Variants in RNF13 observed in about 807,000 individuals in gnomAD.
The protein encoded by RNF13 is E3 ubiquitin-protein ligase RNF13.
In RNF13, 19 loss-of-function variants were observed where a neutral mutation model predicts 37.7. That is an observed-to-expected ratio of 0.50 (90% confidence interval 0.35 to 0.74). RNF13 has a LOEUF of 0.74. Ranked by LOEUF, RNF13 falls within the 30% of genes least tolerant of loss-of-function variation. RNF13 has a pLI of 0.01. For missense variants in RNF13, 375 were observed against 453.0 expected (o/e 0.83, Z 1.56); for synonymous variants, 144 against 157.8 (o/e 0.91, Z 0.65).
intron 4 of RNF13, among the ~76,000 whole-genome samples, chr3:149,882,505 A>AGTC: frequency 6.6e-6 from 1 of 152,272 alleles, no homozygotes; most frequent in South Asian, 2.1e-4. Flanking sequence ...AAATGCTCTA[A>AGTC]ATGTTATTTT....
chr3:149,833,040 C>T (rs1721220562), intron 1 of RNF13, among the ~76,000 whole-genome samples: 1 of 151,786 alleles, frequency 6.6e-6, no homozygotes, highest in Non-Finnish European at 1.5e-5. Flanking sequence ...CCAAAATTAC[C>T]CTGGTACCAA....
intron 1 of RNF13, among the ~76,000 whole-genome samples, chr3:149,829,070 G>A (rs546825417): frequency 6.6e-6 from 1 of 152,170 alleles, no homozygotes; most frequent in East Asian, 1.9e-4. Flanking sequence ...TGGTATGAAG[G>A]CCCTGAGATT....
intron 1 of RNF13, among the ~76,000 whole-genome samples, chr3:149,843,342 A>G (rs2108368360): frequency 6.6e-6 from 1 of 152,310 alleles, no homozygotes; most frequent in Non-Finnish European, 1.5e-5. Flanking sequence ...GGACAACTCT[A>G]TACATTGCTA....
intron 7 of RNF13, among the ~76,000 whole-genome samples, chr3:149,919,197 CTT>C (rs933827673): frequency 2.0e-5 from 3 of 152,098 alleles, no homozygotes; most frequent in African/African-American, 7.2e-5. Context: ...AAATTGTACA[CTT>C]TGGTAAGTTT....
chr3:149,902,903 T>A (rs1284900208), intron 6 of RNF13, among the ~76,000 whole-genome samples: 1 of 152,176 alleles, frequency 6.6e-6, no homozygotes, highest in African/African-American at 2.4e-5. Flanking sequence ...AAAGCAAGAC[T>A]TCTACATTTT....
intron 1 of RNF13, among the ~76,000 whole-genome samples, chr3:149,816,607 A>G (rs936602874): frequency 6.6e-6 from 1 of 152,018 alleles, no homozygotes; most frequent in African/African-American, 2.4e-5. Context: ...ACATAAGGAC[A>G]CTGCCCAAGC....
intron 1 of RNF13, among the ~76,000 whole-genome samples, chr3:149,827,229 G>A (rs1720593590): frequency 6.6e-6 from 1 of 152,048 alleles, no homozygotes; most frequent in African/African-American, 2.4e-5. Context: ...CATTTACACT[G>A]TATTCAGTAT....
intron 3 of RNF13, among the ~76,000 whole-genome samples, chr3:149,866,679 T>C (rs1447680029): frequency 2.6e-5 from 4 of 152,226 alleles, no homozygotes; most frequent in Non-Finnish European, 4.4e-5. Context: ...TTTATTACTA[T>C]AAACTTCCCT....
chr3:149,915,115 T>A (rs538335451), intron 7 of RNF13, among the ~76,000 whole-genome samples: 12 of 152,174 alleles, frequency 7.9e-5, no homozygotes, highest in Non-Finnish European at 1.3e-4. Context: ...TTTTTATCTG[T>A]TGTAATAATA....
chr3:149,820,392 T>C (rs1271725373), intron 1 of RNF13, among the ~76,000 whole-genome samples: 1 of 152,058 alleles, frequency 6.6e-6, no homozygotes, highest in Non-Finnish European at 1.5e-5. Flanking sequence ...AGGTAAACTT[T>C]ATAGAGGGAA....
intron 4 of RNF13, among the ~76,000 whole-genome samples, chr3:149,881,522 G>T (rs1373524423): frequency 3.3e-5 from 5 of 151,956 alleles, no homozygotes; most frequent in African/African-American, 1.2e-4. Flanking sequence ...GTAGAGATGG[G>T]GTTTCACCAC....
intron 1 of RNF13, among the ~76,000 whole-genome samples, chr3:149,843,436 A>G (rs952647735): frequency 6.6e-6 from 1 of 152,118 alleles, no homozygotes; most frequent in African/African-American, 2.4e-5. Flanking sequence ...TTTTCCCCAC[A>G]TTTTCCACAA....
intron 6 of RNF13, among the ~76,000 whole-genome samples, chr3:149,903,744 C>G (rs185860922): frequency 6.6e-6 from 1 of 152,108 alleles, no homozygotes; most frequent in Non-Finnish European, 1.5e-5. Context: ...TGAGGCAACA[C>G]CCCATAATCA....
chr3:149,822,041 T>C (rs1679362142), intron 1 of RNF13, among the ~76,000 whole-genome samples: 1 of 152,216 alleles, frequency 6.6e-6, no homozygotes, highest in Admixed American at 6.5e-5. Flanking sequence ...TTTTGATTAC[T>C]GTAGCTTTGT....
intron 1 of RNF13, chr3:149,813,701 G>A (rs574427171): frequency 1.3e-5 from 2 of 152,288 alleles, no homozygotes; most frequent in East Asian, 1.9e-4. Context: ...CAACGTCCTC[G>A]GGCACATCGC....
chr3:149,932,735 A>T (rs1464323838), intron 8 of RNF13, among the ~76,000 whole-genome samples: 1 of 152,200 alleles, frequency 6.6e-6, no homozygotes, highest in African/African-American at 2.4e-5. Context: ...TGTGGCTCTC[A>T]CAGGTTGGAG....
In RNF13 at chr3:149,960,796, G is replaced by A. The variant is rs1233128923; in HGVS notation, c.838G>A (p.Val280Met). ...AACTAAAACCAAAAAAACCTGTCCA[G>A]TGTGCAAGCAAAAAGTTGTTCCTTC... is the stretch of plus-strand genomic sequence containing the variant. ...WLTKTKKTCP[V>M]CKQKVVPSQG... The change falls in exon 10 of 10, where the codon GTG becomes ATG. Residue 280 changes from valine to methionine, a missense_variant. Val to Met is a conservative substitution (Grantham distance 21, BLOSUM62 1). Transcript: ENST00000392894. 2.5e-6 allele frequency: 4 copies of A among 1,614,136 alleles called. No individual in the cohort carries two copies. Among genetic ancestry groups the A allele is most frequent in the Non-Finnish European group, 3.4e-6 (4 of 1,180,022 alleles).
At chr3:149,917,469 T>G (rs906677223) in intron 7 of RNF13, 1 of 152,214 alleles carries the variant, frequency 6.6e-6, no homozygotes, top group African/African-American at 2.4e-5. Context: ...TGTTTCTGTC[T>G]CCAGTGAGAA....
At chr3:149,949,020 CCT>C (rs1373016263) in intron 8 of RNF13, among the ~76,000 whole-genome samples, 4 of 151,298 alleles carry the variant, frequency 2.6e-5, no homozygotes, top group Admixed American at 2.6e-4. Flanking sequence ...AGAGCCAGAC[CCT>C]GTCTAGAAAA....
Sources: allele counts gnomAD v4.1 joint callset (sites outside exome capture counted in the v4.1 genomes callset), GRCh38; gene constraint gnomAD v4.1.1; transcripts MANE v1.5; gene names NCBI Gene and HGNC (gene_info 2026-07-23, HGNC 2026-07-21).